The following ZFP91 variants were observed in gnomAD, a reference collection of about 807,000 sequenced individuals.
The protein encoded by ZFP91 is E3 ubiquitin-protein ligase ZFP91.
Under a neutral mutation model 63.5 loss-of-function variants are expected in ZFP91, and 7 were observed. The observed-to-expected ratio is 0.11, with a 90% CI of 0.06 to 0.21. The LOEUF (loss-of-function observed/expected upper bound fraction) is 0.21. Among genes scored for constraint, ZFP91 ranks in the 10% least tolerant of loss-of-function variants. The pLI is 1.00. For missense variants in ZFP91, 628 were observed against 736.6 expected (o/e 0.85, Z 1.71); for synonymous variants, 330 against 272.1 (o/e 1.21, Z -2.10).
At chr11:58,582,307 C>T (rs1024718596) in intron 1 of ZFP91, among the ~76,000 whole-genome samples, 3 of 152,176 alleles carry the variant, frequency 2.0e-5, no homozygotes, top group Non-Finnish European at 4.4e-5. Flanking sequence ...TAAGATATTT[C>T]AAGAGGTTTT....
rs912065149 is a variant in ZFP91, at chr11:58,618,421, G to T, written c.*715G>T. ...GGAAGCAGGCTCCCAATAGGGAGGG[G>T]GCTGCCCTCTACAGTCTCTTTGACT... On this transcript the variant is annotated 3_prime_UTR_variant, in exon 11 of 11. Transcript: ENST00000316059. The T allele has an allele frequency of 9.9e-6, 3 of 303,876 alleles. No homozygotes were observed. Among genetic ancestry groups the T allele is most frequent in the African/African-American group, 6.7e-5 (3 of 44,578 alleles). 18.8% of individuals were successfully genotyped at this position (303,876 alleles called of 1,614,324 possible).
chr11:58,581,724 C>T (rs1855119975), intron 1 of ZFP91, among the ~76,000 whole-genome samples: 1 of 152,214 alleles, frequency 6.6e-6, no homozygotes, highest in Admixed American at 6.5e-5. Context: ...TACCTGCTGT[C>T]ATGATTTATT....
chr11:58,609,626 C>G (rs1376316127), intron 2 of ZFP91, among the ~76,000 whole-genome samples: 1 of 152,196 alleles, frequency 6.6e-6, no homozygotes, highest in Non-Finnish European at 1.5e-5. Context: ...TACTTTGCAA[C>G]ATGAAGTAAT....
intron 2 of ZFP91, among the ~76,000 whole-genome samples, chr11:58,588,440 G>A (rs976861462): frequency 3.3e-5 from 5 of 151,974 alleles, no homozygotes; most frequent in Non-Finnish European, 7.4e-5. Context: ...TTTTCCTCCT[G>A]TCTGGATGAC....
rs1322450492 is a variant in ZFP91 at position 58,609,995 on chromosome 11, A to G, written c.536A>G (p.Gln179Arg). The change falls in exon 3 of 11, where the codon CAG becomes CGG. Residue 179 changes from glutamine to arginine, a missense_variant. Gln to Arg is a conservative substitution (Grantham distance 43). Around this residue, in one of 3 missense-constraint regions of ZFP91, gnomAD observed 437 missense variants for 380.3 expected, o/e 1.15. Coordinates refer to ENST00000316059, the MANE Select transcript of ZFP91 (RefSeq NM_053023.5). ...RSSRSKTGSL[Q>R]LICKSEPNTD... is the part of the protein sequence containing the mutation. ...TCTCGGTCCAAGACCGGTTCATTGCAGCTCATTTGCAAGTCAGAACCAAAT... is the reference window on the plus strand; with the variant it reads ...TCTCGGTCCAAGACCGGTTCATTGCGGCTCATTTGCAAGTCAGAACCAAAT... 1 of 1,614,090 alleles carries G rather than the reference A, an allele frequency of 6.2e-7. No individual in the cohort carries two copies. Among genetic ancestry groups the G allele is most frequent in the African/African-American group, 1.3e-5 (1 of 74,936 alleles).
rs1590633134 is a variant in ZFP91, at chr11:58,618,566, A to G, written c.*860A>G. The G allele has an allele frequency of 2.4e-6, 1 of 409,596 alleles. No homozygotes were observed. The highest frequency in any genetic ancestry group is 1.8e-5 in the South Asian group (1 of 56,870). 25.4% of individuals were successfully genotyped at this position (409,596 alleles called of 1,614,324 possible). On this transcript the variant is annotated 3_prime_UTR_variant, in exon 11 of 11. Coordinates refer to ENST00000316059, the MANE Select transcript of ZFP91 (RefSeq NM_053023.5). Reference sequence around the variant, plus strand: ...AACCTGAGATTCCTTATTTATTAACAGGAAGTCTGATTTTTTTTTTTTGGA... The same window carrying G: ...AACCTGAGATTCCTTATTTATTAACGGGAAGTCTGATTTTTTTTTTTTGGA...
chr11:58,582,155 T>C (rs917703320), intron 1 of ZFP91, among the ~76,000 whole-genome samples: 1 of 152,242 alleles, frequency 6.6e-6, no homozygotes, highest in Admixed American at 6.5e-5. Flanking sequence ...AAATGAGACA[T>C]GGCCCTCATC....
At chr11:58,591,913 C>T (rs1459317991) in intron 2 of ZFP91, among the ~76,000 whole-genome samples, 1 of 152,016 alleles carries the variant, frequency 6.6e-6, no homozygotes, top group East Asian at 1.9e-4. Flanking sequence ...CTGCTGCTGG[C>T]ATATTAGGCA....
At position 58,618,801 on chromosome 11, in the gene ZFP91, C is replaced by G. The variant is rs1024252063; in HGVS notation, c.*1095C>G. On this transcript the variant is annotated 3_prime_UTR_variant, in exon 11 of 11. Coordinates refer to ENST00000316059, the MANE Select transcript of ZFP91 (RefSeq NM_053023.5). ...CAATAGCCTAGTGCTTTTTTGGAAG[C>G]CTTTTTAGGGAAGAATGTTAGGTTC... 43 of 425,178 alleles carry G rather than the reference C, an allele frequency of 1.0e-4. 1 individual carries two copies. The highest frequency in any genetic ancestry group is 7.0e-4 in the South Asian group (41 of 58,444). The allele number at this position is 425,178 out of a possible 1,614,324, so 26.3% of individuals were successfully genotyped here. A position where few individuals can be genotyped will look rare whatever the true frequency, so the allele number is the denominator to read the frequency against.
intron 9 of ZFP91, among the ~76,000 whole-genome samples, chr11:58,615,378 A>G (rs1855732736): frequency 6.6e-6 from 1 of 151,902 alleles, no homozygotes; most frequent in Admixed American, 6.6e-5. Context: ...TGCCATAGAA[A>G]AGTTGTTTCT....
intron 2 of ZFP91, among the ~76,000 whole-genome samples, chr11:58,595,058 G>A (rs1855373776): frequency 3.3e-5 from 5 of 152,116 alleles, no homozygotes; most frequent in Admixed American, 3.3e-4. Flanking sequence ...ATATGGTTAG[G>A]TGTGGTATAG....
intron 1 of ZFP91, among the ~76,000 whole-genome samples, chr11:58,583,205 A>T (rs776149254): frequency 4.6e-5 from 7 of 152,104 alleles, no homozygotes; most frequent in Non-Finnish European, 8.8e-5. Context: ...TTTCATTCTT[A>T]CATGTAATAG....
At chr11:58,614,190 A>AT (rs755617473) in intron 8 of ZFP91, 39 bp from the exon 9 acceptor site, 33,600 of 1,000,128 alleles carry the variant, frequency 0.034, 6 homozygotes, top group South Asian at 0.043. Flanking sequence ...GGAAGCCTTA[A>AT]TTTTTTTTTT....
chr11:58,593,990 C>T (rs1250052832), intron 2 of ZFP91, among the ~76,000 whole-genome samples: 1 of 152,132 alleles, frequency 6.6e-6, no homozygotes, highest in African/African-American at 2.4e-5. Flanking sequence ...TATCTGTTGC[C>T]TGGCATATTG....
intron 2 of ZFP91, among the ~76,000 whole-genome samples, chr11:58,598,775 TGTG>T (rs1855446483): frequency 3.3e-5 from 5 of 150,418 alleles, no homozygotes; most frequent in Admixed American, 2.6e-4. Flanking sequence ...TGTGTGTGTG[TGTG>T]TGTGTGTGTT....
chr11:58,611,819 A>T (rs1855669931), intron 6 of ZFP91, 81 bp downstream of exon 6: 6 of 1,485,438 alleles, frequency 4.0e-6, no homozygotes, highest in Middle Eastern at 2.4e-4. Flanking sequence ...GTGAGGAAGG[A>T]TGTTGACGTA....
rs1463937610 is a variant in ZFP91, at chr11:58,618,827, A to C, written c.*1121A>C. ...CTTTTTAGGGAAGAATGTTAGGTTC[A>C]TGGTAACTAGTATGCTCTTTGAGAT... is the stretch of plus-strand genomic sequence containing the variant. On this transcript the variant is annotated 3_prime_UTR_variant, in exon 11 of 11. Coordinates refer to ENST00000316059, the MANE Select transcript of ZFP91 (RefSeq NM_053023.5). 4.9e-6 allele frequency: 2 copies of C among 404,660 alleles called. No homozygotes were observed. The highest frequency in any genetic ancestry group is 9.7e-6 in the Non-Finnish European group (2 of 205,986). The allele number at this position is 404,660 out of a possible 1,614,324, so 25.1% of individuals were successfully genotyped here.
intron 2 of ZFP91, among the ~76,000 whole-genome samples, chr11:58,600,248 A>C (rs574957303): frequency 6.6e-6 from 1 of 151,750 alleles, no homozygotes; most frequent in Admixed American, 6.6e-5. Flanking sequence ...TTTGATAAGA[A>C]TTACAGTTAA....
chr11:58,580,476 C>T (rs1855094282), intron 1 of ZFP91, among the ~76,000 whole-genome samples: 1 of 150,654 alleles, frequency 6.6e-6, no homozygotes. Flanking sequence ...ATCACATTGA[C>T]TATTCAATTC....
Sources: gnomAD v4.1 joint callset for allele counts (sites outside exome capture counted in the v4.1 genomes callset) on GRCh38, gnomAD v4.1.1 for gene constraint, gnomAD v4.1.1 regional missense constraint, MANE v1.5 for transcripts, NCBI Gene and HGNC (gene_info 2026-07-23, HGNC 2026-07-21) for gene names.